Variants in WDR3 observed in about 807,000 individuals in gnomAD.
WDR3 encodes the protein WD repeat-containing protein 3.
In WDR3, 81 loss-of-function variants were observed where a neutral mutation model predicts 123.7. That is an observed-to-expected ratio of 0.65 (90% CI 0.55 to 0.79). WDR3 has a LOEUF of 0.79. WDR3 is among the 30% of genes least tolerant of loss of function. The probability of loss-of-function intolerance (pLI) is 0.00; values close to 1 mark genes in which losing one functional copy is unlikely to be tolerated. For missense variants in WDR3, 1,027 were observed against 1,123.2 expected (o/e 0.91, Z 1.22); for synonymous variants, 390 against 388.8 (o/e 1.00, Z -0.04).
chr1:117,959,190 A>G lies in WDR3; in HGVS notation c.2677-102A>G. On this transcript the variant is annotated intron_variant, in intron 26 of 26. Coordinates refer to ENST00000349139, the MANE Select transcript of WDR3 (RefSeq NM_006784.3). The stretch of plus-strand genomic sequence containing the variant: ...GAAAAGTTCTTAATGAGGGAAAGAT[A>G]AGTAACAACACCTGAAGCTTTGGTT... The G allele has an allele frequency of 6.3e-6, 9 of 1,435,538 alleles. No homozygotes were observed. In the South Asian group the frequency reaches 7.0e-5, roughly 11 times the overall value. 88.9% of individuals were successfully genotyped at this position (1,435,538 alleles called of 1,614,324 possible). A position where few individuals can be genotyped will look rare whatever the true frequency, so the allele number is the denominator to read the frequency against.
chr1:117,945,736 TA>T (rs1396154406), intron 11 of WDR3, among the ~76,000 whole-genome samples: 5 of 152,242 alleles, frequency 3.3e-5, no homozygotes, highest in African/African-American at 1.2e-4. Context: ...TGTGGTCCTA[TA>T]AAAAATGTAG....
Position 117,962,445 on chromosome 1 carries a change from A to G in WDR3, c.*2998A>G, listed in dbSNP as rs1267516915. The G allele has an allele frequency of 6.6e-6, 1 of 152,104 alleles. No individual in the cohort carries two copies. The highest frequency in any genetic ancestry group is 1.5e-5 in the Non-Finnish European group (1 of 68,028). The allele number at this position is 152,104 out of a possible 1,614,324, so 9.4% of individuals were successfully genotyped here. ...TTGCATATTGTGAAGTAAGTTACCTATAGAAATTCTGTAGTACCATAAAGA... is the reference window on the plus strand; with the variant it reads ...TTGCATATTGTGAAGTAAGTTACCTGTAGAAATTCTGTAGTACCATAAAGA... On this transcript the variant is annotated 3_prime_UTR_variant, in exon 27 of 27. Coordinates refer to ENST00000349139, the MANE Select transcript of WDR3 (RefSeq NM_006784.3).
At position 117,942,103 on chromosome 1, in the gene WDR3, A is replaced by C. The variant is rs116168003; in HGVS notation, c.989+256A>C. ...TTAAGTGCAGGTTAATGAGTTTTCT[A>C]AAAAGTCCTGAAATTAGAAAAATAA... On this transcript the variant is annotated intron_variant, in intron 9 of 26. Coordinates refer to ENST00000349139, the MANE Select transcript of WDR3 (RefSeq NM_006784.3). Among the ~76,000 whole-genome samples, 551 of 152,320 alleles carry C rather than the reference A, an allele frequency of 3.6e-3. 1 individual carries two copies. Among genetic ancestry groups the C allele is most frequent in the Non-Finnish European group, 5.4e-3 (368 of 68,012 alleles).
rs745854190 is a variant in WDR3 at position 117,955,971 on chromosome 1, GC to G, written c.2453+615del. Among the ~76,000 whole-genome samples, 41 of 152,156 alleles carry G rather than the reference GC, an allele frequency of 2.7e-4. No individual in the cohort carries two copies. In the East Asian group the frequency reaches 3.7e-3, roughly 14 times the overall value. Reference sequence around the variant, plus strand: ...GCATAAGCTTTTAAAGTTTTATATTGCCAAATTACTTTCCAGGGTGATTATA... The same window carrying G: ...GCATAAGCTTTTAAAGTTTTATATTGCAAATTACTTTCCAGGGTGATTATA... On this transcript the variant is annotated intron_variant, in intron 24 of 26. Transcript: ENST00000349139.
chr1:117,964,286 G>GT lies in WDR3; in HGVS notation c.*4840dup, dbSNP rs1371202149. On this transcript the variant is annotated 3_prime_UTR_variant, in exon 27 of 27. Transcript: ENST00000349139. ...AGAGGGACAGATCATTGTTGACACT[G>GT]TAAGTAAGTAGATAAAAGATCTGAT... 6.2e-6 allele frequency: 1 copy of GT among 160,312 alleles called. No homozygotes were observed. The highest frequency in any genetic ancestry group is 2.5e-5 in the African/African-American group (1 of 40,136). 9.9% of individuals were successfully genotyped at this position (160,312 alleles called of 1,614,324 possible).
chr1:117,937,632 A>G (rs1028817566), intron 4 of WDR3, among the ~76,000 whole-genome samples: 3 of 152,202 alleles, frequency 2.0e-5, no homozygotes, highest in African/African-American at 7.2e-5. Context: ...CTTAGGGAAT[A>G]TAAAGGCAAA....
intron 16 of WDR3, 140 bp downstream of exon 16, chr1:117,951,030 C>G: frequency 1.7e-6 from 1 of 604,824 alleles, no homozygotes. Context: ...AAAACAGTCT[C>G]AAATTAATAT....
At chr1:117,942,889 GT>G (rs751258995) in intron 10 of WDR3, among the ~76,000 whole-genome samples, 2,996 of 116,720 alleles carry the variant, frequency 0.026, 51 homozygotes, top group South Asian at 0.12. Flanking sequence ...TCTGAGCCTA[GT>G]TTTTTTTTTT....
At chr1:117,948,731 GA>G (rs1324334327) in intron 13 of WDR3, among the ~76,000 whole-genome samples, 2 of 151,868 alleles carry the variant, frequency 1.3e-5, no homozygotes, top group Non-Finnish European at 2.9e-5. Flanking sequence ...TTACCATCAT[GA>G]TTTTTTTGCC....
chr1:117,937,884 C>T (rs1651001357), intron 4 of WDR3, among the ~76,000 whole-genome samples: 1 of 152,090 alleles, frequency 6.6e-6, no homozygotes, highest in Non-Finnish European at 1.5e-5. Flanking sequence ...GACTTTGATT[C>T]TACAGGGAAC....
chr1:117,933,222 G>A, intron 1 of WDR3, 66 bp from the exon 2 acceptor site: 3 of 1,364,976 alleles, frequency 2.2e-6, no homozygotes, highest in African/African-American at 1.5e-5. Context: ...AAAAACAGTT[G>A]GTGTTTACTA....
chr1:117,959,007 A>G lies in WDR3; in HGVS notation c.2676+4A>G. ...TTCAAAAGTCAGCCAAGTCCGGGTA[A>G]GTGTCTTTGTATAGAGATAAAATAA... On this transcript the variant is annotated splice_donor_region_variant and intron_variant, in intron 26 of 26. Transcript: ENST00000349139. 1 of 1,613,472 alleles carries G rather than the reference A, an allele frequency of 6.2e-7. No individual in the cohort carries two copies.
chr1:117,941,393 ATAT>A (rs1651165702), intron 8 of WDR3, among the ~76,000 whole-genome samples, 168 bp downstream of exon 8: 1 of 152,220 alleles, frequency 6.6e-6, no homozygotes, highest in African/African-American at 2.4e-5. Context: ...AACAACAAAA[ATAT>A]TAATAATTAC....
At chr1:117,937,412 C>A (rs1044045889) in intron 4 of WDR3, among the ~76,000 whole-genome samples, 1 of 152,022 alleles carries the variant, frequency 6.6e-6, no homozygotes, top group African/African-American at 2.4e-5. Flanking sequence ...GAATGGCCAC[C>A]TAGGAAAAGC....
At chr1:117,940,727 C>CCGACGACGA (rs202123878) in intron 6 of WDR3, 100 bp from the exon 7 acceptor site, 18 of 1,101,514 alleles carry the variant, frequency 1.6e-5, no homozygotes, top group South Asian at 7.5e-5. Context: ...GACTCTGTCT[C>CCGACGACGA]CGACAACAAC....
Position 117,953,009 on chromosome 1 carries a change from T to G in WDR3, c.2202+13T>G. 1.2e-6 allele frequency: 2 copies of G among 1,612,838 alleles called. No individual in the cohort carries two copies. The highest frequency in any genetic ancestry group is 1.7e-6 in the Non-Finnish European group (2 of 1,179,202). ...AGACCAACCAGCAGTAAGTAAATTTTGGGGACCTTGAGATTATGCCCCATA... is the reference window on the plus strand; with the variant it reads ...AGACCAACCAGCAGTAAGTAAATTTGGGGGACCTTGAGATTATGCCCCATA... On this transcript the variant is annotated intron_variant, in intron 20 of 26. Transcript: ENST00000349139.
chr1:117,948,417 C>T lies in WDR3; in HGVS notation c.1435C>T (p.Gln479Ter). Residue 479 changes from glutamine (Q) to a stop codon, truncating the protein, a stop_gained, in exon 13 of 27, where the codon CAG becomes TAG. Transcript: ENST00000349139. LOFTEE classifies it high-confidence loss of function. ...TGTGTCTTCCCAGACAGGGAAGCTG[C>T]AGCTTTATGACTTGGCTTCAGGGAA... The part of the protein sequence containing the change: ...VVIGTKTGKL[Q>*]LYDLASGNLL... 2 of 1,613,878 alleles carry T rather than the reference C, an allele frequency of 1.2e-6. No individual in the cohort carries two copies. The highest frequency in any genetic ancestry group is 1.1e-5 in the South Asian group (1 of 91,034).
chr1:117,942,900 T>G (rs573045485), intron 10 of WDR3, among the ~76,000 whole-genome samples: 3,674 of 150,708 alleles, frequency 0.024, 154 homozygotes, highest in African/African-American at 0.083. Context: ...TTTTTTTTTT[T>G]TTTTTTTTTT....
In WDR3 at chr1:117,949,977, TG is replaced by T; in HGVS notation, c.1611-17del. ...TGTATACTCATTTATTTTTTCTTGA[TG>T]TTTTTTGTGGTGCTAGACTTTCTGT... On this transcript the variant is annotated splice_polypyrimidine_tract_variant and intron_variant, in intron 14 of 26. Coordinates refer to ENST00000349139, the MANE Select transcript of WDR3 (RefSeq NM_006784.3). 2 of 1,613,526 alleles carry T rather than the reference TG, an allele frequency of 1.2e-6. No individual in the cohort carries two copies. The highest frequency in any genetic ancestry group is 1.7e-6 in the Non-Finnish European group (2 of 1,179,760).
Sources: gnomAD v4.1 joint callset for allele counts (sites outside exome capture counted in the v4.1 genomes callset) on GRCh38, gnomAD v4.1.1 for gene constraint, MANE v1.5 for transcripts, NCBI Gene and HGNC (gene_info 2026-07-23, HGNC 2026-07-21) for gene names.